The following TCFL5 variants were observed in gnomAD, a reference collection of about 807,000 sequenced individuals.
TCFL5 encodes transcription factor-like 5 protein.
In TCFL5, 9 loss-of-function variants were observed where a neutral mutation model predicts 44.3. The ratio of observed to expected loss-of-function variants is 0.20; its 90% CI spans 0.12 to 0.35. The LOEUF is 0.35. Among genes scored for constraint, TCFL5 ranks in the 10% least tolerant of loss-of-function variants. The pLI, the probability that TCFL5 is intolerant of heterozygous loss-of-function variation, is 1.00. For synonymous variants in TCFL5, 319 were observed against 271.6 expected, an observed-to-expected ratio of 1.17 and a Z score of -1.72; for missense variants, 603 against 613.4, an observed-to-expected ratio of 0.98 and a Z score of 0.18.
rs988175552 is a variant in TCFL5, at chr20:62,842,804, C to G, written c.1381-707G>C. ...TAAAAAGTTTCAACAATTAACAAGT[C>G]AGGGGCATCTACCCCCACCCCAGGG... On this transcript the variant is annotated intron_variant, in intron 5 of 5. Coordinates refer to ENST00000335351, the MANE Select transcript of TCFL5 (RefSeq NM_006602.4). This position sits in a 1 kb window ranked among gnomAD's most constrained non-coding sequence, Gnocchi z 4.3. Among the ~76,000 whole-genome samples the G allele has an allele frequency of 8.5e-5, 13 of 152,156 alleles. No homozygotes were observed. Among genetic ancestry groups the G allele is most frequent in the Non-Finnish European group, 2.9e-5 (2 of 68,034 alleles).
Position 62,861,010 on chromosome 20 carries a change from C to A in TCFL5, c.647+14G>T, listed in dbSNP as rs187984232. ...CACCCGGGCCCCGCCAGCCCCCGGC[C>A]GCCGGGCACGCACTTGTTGAGCGCC... On this transcript the variant is annotated intron_variant, in intron 1 of 5. Coordinates refer to ENST00000335351, the MANE Select transcript of TCFL5 (RefSeq NM_006602.4). This position sits in a 1 kb window ranked among gnomAD's most constrained non-coding sequence, Gnocchi z 4.0. 0.18 allele frequency: 179,866 copies of A among 992,958 alleles called. 17,367 individuals are homozygous for A. Among genetic ancestry groups the A allele is most frequent in the Non-Finnish European group, 0.2 (164,172 of 835,798 alleles). 61.5% of individuals were successfully genotyped at this position (992,958 alleles called of 1,614,324 possible). A position where few individuals can be genotyped will look rare whatever the true frequency, so the allele number is the denominator to read the frequency against.
chr20:62,851,382 C>A, intron 5 of TCFL5: 1 of 299,606 alleles, frequency 3.3e-6, no homozygotes, highest in Non-Finnish European at 4.9e-6. Context: ...TTTGACTATA[C>A]ATACAATTAA....
rs1230200581 is a variant in TCFL5, at chr20:62,842,255, GATTT to G, written c.1381-162_1381-159del. On this transcript the variant is annotated intron_variant, in intron 5 of 5. Coordinates refer to ENST00000335351, the MANE Select transcript of TCFL5 (RefSeq NM_006602.4). This position sits in a 1 kb window ranked among gnomAD's most constrained non-coding sequence, Gnocchi z 4.3. ...AAACTTGTGTCTTACCTCACAAGGG[GATTT>G]ATATAATAAACAGATTTTAACTTTT... is the stretch of plus-strand genomic sequence containing the variant. 1.3e-5 allele frequency among the ~76,000 whole-genome samples: 2 copies of G among 151,344 alleles called. No homozygotes were observed. The highest frequency in any genetic ancestry group is 2.1e-4 in the South Asian group (1 of 4,802).
Position 62,859,530 on chromosome 20 carries a change from G to GA in TCFL5, c.832-5dup, listed in dbSNP as rs759754233. ...CAGAACATGAGTTACTAGAACTCTG[G>GA]AAAAAAATGAAGCAACAGGAATTTT... is the stretch of plus-strand genomic sequence containing the variant. On this transcript the variant is annotated splice_polypyrimidine_tract_variant and splice_region_variant and intron_variant, in intron 2 of 5. Transcript: ENST00000335351. 8.3e-5 allele frequency: 133 copies of GA among 1,600,244 alleles called. No homozygotes were observed. Among genetic ancestry groups the GA allele is most frequent in the Non-Finnish European group, 1.0e-4 (119 of 1,176,808 alleles).
At position 62,859,515 on chromosome 20, in the gene TCFL5, G is replaced by A. The variant is rs1464614648; in HGVS notation, c.843C>T (p.Asn281=). 4 of 1,610,936 alleles carry A rather than the reference G, an allele frequency of 2.5e-6. No homozygotes were observed. Among genetic ancestry groups the A allele is most frequent in the East Asian group, 2.2e-5 (1 of 44,844 alleles). ...TGGCAGCTTCAAGTACAGAACATGA[G>A]TTACTAGAACTCTGGAAAAAAATGA... ...SNLSQTQSSS[N]SCSVLEAAKH... is the part of the protein sequence containing the mutation. Residue 281 remains asparagine (N), a synonymous_variant, in exon 3 of 6, where the codon AAC becomes AAT. Transcript: ENST00000335351.
At chr20:62,845,595 G>A in intron 5 of TCFL5, 1 of 1,560,154 alleles carries the variant, frequency 6.4e-7, no homozygotes, top group East Asian at 2.3e-5. Flanking sequence ...GCCGGCTCCG[G>A]AGAAGTTAGA....
At chr20:62,853,165 A>AG (rs1445005250) in intron 5 of TCFL5, among the ~76,000 whole-genome samples, 5,690 of 139,040 alleles carry the variant, frequency 0.041, 358 homozygotes, top group East Asian at 0.19. Context: ...CCCAGTCCAC[A>AG]AAAGTATAGT....
rs377265254 is a variant in TCFL5 at position 62,853,999 on chromosome 20, C to A, written c.1380+17G>T. The A allele has an allele frequency of 1.9e-6, 3 of 1,608,736 alleles. No homozygotes were observed. The African/African-American group carries it at 4.0e-5, about 22-fold the overall frequency. On this transcript the variant is annotated intron_variant, in intron 5 of 5. Coordinates refer to ENST00000335351, the MANE Select transcript of TCFL5 (RefSeq NM_006602.4). Reference sequence around the variant, plus strand: ...AAATTTGTAAAATTCTGAAAATCTACCTGGCCTACCACTAACCTTTTTAAG... The same window carrying A: ...AAATTTGTAAAATTCTGAAAATCTAACTGGCCTACCACTAACCTTTTTAAG...
rs1031130349 is a variant in TCFL5 at position 62,842,474 on chromosome 20, G to A, written c.1381-377C>T. Among the ~76,000 whole-genome samples the A allele has an allele frequency of 3.3e-5, 5 of 152,160 alleles. No individual in the cohort carries two copies. Among genetic ancestry groups the A allele is most frequent in the Admixed American group, 6.5e-5 (1 of 15,274 alleles). ...GAAGGTAGAGTGTATATATTAAAACGTTTCAGGCCGGGCGTGGCGGCTCAC... is the reference window on the plus strand; with the variant it reads ...GAAGGTAGAGTGTATATATTAAAACATTTCAGGCCGGGCGTGGCGGCTCAC... On this transcript the variant is annotated intron_variant, in intron 5 of 5. Coordinates refer to ENST00000335351, the MANE Select transcript of TCFL5 (RefSeq NM_006602.4). The surrounding 1 kb of genome is among the most constrained non-coding windows in gnomAD (Gnocchi z 4.3).
In TCFL5 at chr20:62,860,213, G is replaced by C; in HGVS notation, c.743C>G (p.Ala248Gly). The change falls in exon 2 of 6, where the codon GCT becomes GGT. Residue 248 changes from alanine to glycine, a missense_variant. Transcript: ENST00000335351. Reference sequence around the variant, plus strand: ...TGTAAATTGCAAAGCAGTAGTTGTAGCCGCAGTTTTATTTTTCACTAATGC... The same window carrying C: ...TGTAAATTGCAAAGCAGTAGTTGTACCCGCAGTTTTATTTTTCACTAATGC... ...CTALVKNKTAATTTALQFTYP... is the reference protein window; with the variant it reads ...CTALVKNKTAGTTTALQFTYP... 2 of 1,613,892 alleles carry C rather than the reference G, an allele frequency of 1.2e-6. No individual in the cohort carries two copies. The highest frequency in any genetic ancestry group is 8.5e-7 in the Non-Finnish European group (1 of 1,179,786).
At chr20:62,851,328 T>C (rs541928597) in intron 5 of TCFL5, among the ~76,000 whole-genome samples, 1 of 152,326 alleles carries the variant, frequency 6.6e-6, no homozygotes, top group East Asian at 1.9e-4. Context: ...GCAAACATAA[T>C]GTATGTAAAG....
chr20:62,859,710 TTTG>T (rs1164431752), intron 2 of TCFL5, among the ~76,000 whole-genome samples, 184 bp from the exon 3 acceptor site: 1 of 146,496 alleles, frequency 6.8e-6, no homozygotes, highest in Non-Finnish European at 1.5e-5. Flanking sequence ...CAGGTATTTT[TTTG>T]TTTTTGTTTT....
intron 5 of TCFL5, chr20:62,852,009 T>C (rs1225030646): frequency 1.1e-6 from 1 of 926,058 alleles, no homozygotes; most frequent in Non-Finnish European, 1.3e-6. Flanking sequence ...TCTCATCATG[T>C]TGGCCAAGCT....
intron 4 of TCFL5, 58 bp downstream of exon 4, chr20:62,857,337 C>G: frequency 1.3e-6 from 2 of 1,594,188 alleles, no homozygotes; most frequent in East Asian, 4.5e-5. Context: ...CTGTGATAAC[C>G]ATGTATGACT....
intron 5 of TCFL5, among the ~76,000 whole-genome samples, chr20:62,849,419 G>A (rs1398978565): frequency 2.6e-5 from 4 of 152,248 alleles, no homozygotes; most frequent in Non-Finnish European, 5.9e-5. Flanking sequence ...CTAGACAACC[G>A]GCCTGATCTC....
rs989484094 is a variant in TCFL5 at position 62,842,284 on chromosome 20, T to C, written c.1381-187A>G. Among the ~76,000 whole-genome samples the C allele has an allele frequency of 4.6e-5, 7 of 152,222 alleles. No homozygotes were observed. The highest frequency in any genetic ancestry group is 1.7e-4 in the African/African-American group (7 of 41,456). On this transcript the variant is annotated intron_variant, in intron 5 of 5. Coordinates refer to ENST00000335351, the MANE Select transcript of TCFL5 (RefSeq NM_006602.4). This position sits in a 1 kb window ranked among gnomAD's most constrained non-coding sequence, Gnocchi z 4.3. The stretch of plus-strand genomic sequence containing the variant: ...TATATAATAAACAGATTTTAACTTT[T>C]TTTTTTTCAAATAGCAGTTACACTG...
chr20:62,859,421 G>C lies in TCFL5; in HGVS notation c.937C>G (p.Gln313Glu), dbSNP rs1340441397. 6.8e-6 allele frequency: 11 copies of C among 1,613,934 alleles called. No homozygotes were observed. Among genetic ancestry groups the C allele is most frequent in the Admixed American group, 3.3e-5 (2 of 59,966 alleles). The change falls in exon 3 of 6, where the codon CAG becomes GAG. Residue 313 changes from glutamine to glutamate, a missense_variant. This residue lies in a region of TCFL5 where 540 missense variants were observed against 478.7 expected (regional missense o/e 1.13). Coordinates refer to ENST00000335351, the MANE Select transcript of TCFL5 (RefSeq NM_006602.4). ...ACTTTGTTTCTACTACCTAACGTCTGTTTAGTGGATTCAATTTCTTGCTGA... is the reference window on the plus strand; with the variant it reads ...ACTTTGTTTCTACTACCTAACGTCTCTTTAGTGGATTCAATTTCTTGCTGA... ...CYQQEIESTK[Q>E]TLGSRNKVLP... is the part of the protein sequence containing the mutation.
At chr20:62,844,571 G>GTT (rs1244475923) in intron 5 of TCFL5, among the ~76,000 whole-genome samples, 1,541 of 136,578 alleles carry the variant, frequency 0.011, 17 homozygotes, top group African/African-American at 0.047. Flanking sequence ...GTTTTTTTTT[G>GTT]TTTGTTTTTT....
chr20:62,855,262 T>C (rs2063869861), intron 4 of TCFL5, among the ~76,000 whole-genome samples: 1 of 152,098 alleles, frequency 6.6e-6, no homozygotes, highest in African/African-American at 2.4e-5. Flanking sequence ...CAGGCTCAAG[T>C]GATCCTCCCA....
Sources: gnomAD v4.1 joint callset for allele counts (sites outside exome capture counted in the v4.1 genomes callset) on GRCh38, gnomAD v4.1.1 for gene constraint, gnomAD v4.1.1 regional missense constraint, Gnocchi (gnomAD v3.1) non-coding constraint, MANE v1.5 for transcripts, NCBI Gene and HGNC (gene_info 2026-07-23, HGNC 2026-07-21) for gene names.